The following MID1 variants were observed in gnomAD, a reference collection of about 807,000 sequenced individuals.
The protein encoded by MID1 is midline 1.
A neutral mutation model predicts 40.4 loss-of-function variants in MID1; 7 were observed. The observed-to-expected ratio is 0.17, with a 90% CI of 0.10 to 0.33. MID1 has a LOEUF of 0.33. Ranked by LOEUF, MID1 falls within the 10% of genes least tolerant of loss-of-function variation. The pLI is 1.00. For missense variants in MID1, 367 were observed against 558.5 expected (o/e 0.66, Z 3.46); for synonymous variants, 229 against 221.2 (o/e 1.04, Z -0.31).
intron 1 of MID1, among the ~76,000 whole-genome samples, chrX:10,591,029 G>T (rs1466227898): frequency 9.0e-6 from 1 of 110,880 alleles, no homozygotes; most frequent in African/African-American, 3.3e-5. Context: ...CAAGAAGCTG[G>T]CTTTTAAACA....
chrX:10,567,719 T>G, intron 1 of MID1, 116 bp from the exon 2 acceptor site: 2 of 481,794 alleles, frequency 4.2e-6, no homozygotes. Flanking sequence ...GGTAAGTGTG[T>G]GTACATTCCA....
chrX:10,747,958 TTTTCTTTC>T (rs200851924), intron 1 of MID1, among the ~76,000 whole-genome samples: 3 of 111,582 alleles, frequency 2.7e-5, no homozygotes, highest in African/African-American at 9.8e-5. Context: ...AGGGACTTCT[TTTTCTTTC>T]TTTCTTTCTT....
At chrX:10,794,142 T>C (rs2043953197) in intron 1 of MID1, among the ~76,000 whole-genome samples, 1 of 112,049 alleles carries the variant, frequency 8.9e-6, no homozygotes, top group South Asian at 3.7e-4. Context: ...GGTCCTGTGT[T>C]TTGCTAAATG....
intron 1 of MID1, among the ~76,000 whole-genome samples, chrX:10,821,673 T>G (rs1292908862): frequency 3.5e-5 from 4 of 112,871 alleles, no homozygotes; most frequent in Non-Finnish European, 1.9e-5. Context: ...GTTTGTCTCA[T>G]TTCTTATTTT....
intron 1 of MID1, among the ~76,000 whole-genome samples, chrX:10,826,104 A>C (rs1602600817): frequency 1.8e-5 from 2 of 110,727 alleles, no homozygotes; most frequent in Middle Eastern, 4.6e-3. Context: ...TTTCCACTCA[A>C]TCAGGTTACT....
At position 10,447,047 on chromosome X, in the gene MID1, G is replaced by A. The variant is rs1928073342; in HGVS notation, c.*2321C>T. On this transcript the variant is annotated 3_prime_UTR_variant, in exon 10 of 10. Transcript: ENST00000317552. Reference sequence around the variant, plus strand: ...CGGGAATCTTTTCTACATCATTATAGTAATTAAACACGGTGGCCTTTCACC... The same window carrying A: ...CGGGAATCTTTTCTACATCATTATAATAATTAAACACGGTGGCCTTTCACC... The A allele has an allele frequency of 9.0e-6, 1 of 111,446 alleles. No individual in the cohort carries two copies. Among genetic ancestry groups the A allele is most frequent in the South Asian group, 3.8e-4 (1 of 2,659 alleles). The allele number at this position is 111,446 out of a possible 1,213,427, so 9.2% of individuals were successfully genotyped here. A position where few individuals can be genotyped will look rare whatever the true frequency, so the allele number is the denominator to read the frequency against.
intron 6 of MID1, among the ~76,000 whole-genome samples, chrX:10,472,251 G>A (rs1929751027): frequency 8.9e-6 from 1 of 112,383 alleles, no homozygotes; most frequent in Non-Finnish European, 1.9e-5. Context: ...CAGGATCGAT[G>A]TTATGTCTAG....
chrX:10,827,868 T>G (rs1021303651), intron 1 of MID1, among the ~76,000 whole-genome samples: 1 of 111,218 alleles, frequency 9.0e-6, no homozygotes, highest in South Asian at 3.8e-4. Context: ...TAAGGCTTCT[T>G]AAAAGTTTAT....
intron 3 of MID1, chrX:10,506,098 CTGT>C: frequency 1.2e-6 from 1 of 818,381 alleles, no homozygotes; most frequent in Non-Finnish European, 1.5e-6. Context: ...ATATCTTGCC[CTGT>C]TGTTGTCATT....
intron 1 of MID1, among the ~76,000 whole-genome samples, chrX:10,727,658 CAT>C (rs2043404051): frequency 9.0e-6 from 1 of 111,394 alleles, no homozygotes; most frequent in Non-Finnish European, 1.9e-5. Flanking sequence ...AGCAAGGATG[CAT>C]AGAAATGCAG....
intron 1 of MID1, among the ~76,000 whole-genome samples, chrX:10,614,732 GAGAA>G (rs1935811375): frequency 8.9e-6 from 1 of 112,136 alleles, no homozygotes; most frequent in Middle Eastern, 4.6e-3. Flanking sequence ...CAGAAGGATG[GAGAA>G]AGAAAGGTGA....
At chrX:10,510,568 C>A (rs1932069489) in intron 3 of MID1, among the ~76,000 whole-genome samples, 1 of 111,397 alleles carries the variant, frequency 9.0e-6, no homozygotes, top group South Asian at 3.7e-4. Context: ...CGTGGTGGCT[C>A]ACGCCTGTAA....
chrX:10,535,892 T>C (rs941587293), intron 2 of MID1, among the ~76,000 whole-genome samples: 7 of 111,200 alleles, frequency 6.3e-5, no homozygotes, highest in South Asian at 7.5e-4. Context: ...AAAAGGTAAA[T>C]TGCAAAATAT....
chrX:10,475,354 G>A (rs1929952857), intron 5 of MID1, among the ~76,000 whole-genome samples: 1 of 112,135 alleles, frequency 8.9e-6, no homozygotes. Context: ...CATATTCCCA[G>A]CAGATGCTGT....
intron 1 of MID1, among the ~76,000 whole-genome samples, chrX:10,757,737 T>C (rs1421689388): frequency 3.6e-5 from 4 of 111,444 alleles, no homozygotes; most frequent in African/African-American, 1.3e-4. Flanking sequence ...CAACAGGAAA[T>C]GGAACTCTAT....
chrX:10,567,299 G>A lies in MID1; in HGVS notation c.249C>T (p.Ile83=), dbSNP rs1934591058. The change falls in exon 2 of 10, where the codon ATC becomes ATT. Residue 83 remains isoleucine (I), a synonymous_variant. Transcript: ENST00000317552. ...TCACTGATGCTTTCTGGAACCTGTC[G>A]ATGATGTTCTGTAGGGTGACGTTGC... ...LKRNVTLQNI[I]DRFQKASVSG... is the part of the protein sequence containing the mutation. 6 of 1,198,554 alleles carry A rather than the reference G, an allele frequency of 5.0e-6. No individual in the cohort carries two copies. Among genetic ancestry groups the A allele is most frequent in the Non-Finnish European group, 6.8e-6 (6 of 887,577 alleles).
chrX:10,655,392 C>T (rs1278945214), intron 1 of MID1, among the ~76,000 whole-genome samples: 2 of 111,044 alleles, frequency 1.8e-5, no homozygotes, highest in Non-Finnish European at 3.8e-5. Flanking sequence ...GTACTTTCCT[C>T]TCAGGTTATG....
chrX:10,603,912 T>A (rs896665947), intron 1 of MID1, among the ~76,000 whole-genome samples: 22 of 111,405 alleles, frequency 2.0e-4, no homozygotes, highest in Admixed American at 1.8e-3. Flanking sequence ...CCCAACGATA[T>A]AGATTCTGTG....
intron 1 of MID1, among the ~76,000 whole-genome samples, chrX:10,590,915 A>C (rs1177142734): frequency 1.8e-5 from 2 of 112,266 alleles, no homozygotes; most frequent in Non-Finnish European, 3.8e-5. Context: ...GTTTATTTAA[A>C]ATTTAAAGGA....
Sources: gnomAD v4.1 joint callset for allele counts (sites outside exome capture counted in the v4.1 genomes callset) on GRCh38, gnomAD v4.1.1 for gene constraint, MANE v1.5 for transcripts, NCBI Gene and HGNC (gene_info 2026-07-23, HGNC 2026-07-21) for gene names.